TM4SF20: variants seen among roughly 807,000 people sequenced by gnomAD.
TM4SF20 encodes the protein transmembrane 4 L six family member 20, also known as transmembrane 4 L6 family member 20.
Under a neutral mutation model 15.1 loss-of-function variants are expected in TM4SF20, and 13 were observed. That is an observed-to-expected ratio of 0.86 (90% CI 0.56 to 1.36). The LOEUF (loss-of-function observed/expected upper bound fraction) is 1.36, where lower values mean the gene tolerates loss of function less well. Ranked by LOEUF, TM4SF20 falls within the 40% of genes most tolerant of loss-of-function variation. TM4SF20 has a pLI of 0.00. For missense variants in TM4SF20, 282 were observed against 268.4 expected (o/e 1.05, Z -0.35); for synonymous variants, 92 against 96.6 (o/e 0.95, Z 0.28).
At chr2:227,380,419 C>G (rs2076474439), upstream of TM4SF20, among the ~76,000 whole-genome samples, 1 of 152,184 alleles carries the variant, frequency 6.6e-6, no homozygotes, top group Admixed American at 6.5e-5. Flanking sequence ...AAGACCTAGA[C>G]TTAGACCTAG....
intron 2 of TM4SF20, among the ~76,000 whole-genome samples, chr2:227,368,539 T>C (rs777825490): frequency 2.6e-5 from 4 of 151,680 alleles, no homozygotes; most frequent in Admixed American, 6.6e-5. Context: ...TTATTTTTTG[T>C]ATTTTTAGTA....
chr2:227,379,327 C>T (rs1560008647), upstream of TM4SF20: 9 of 1,436,600 alleles, frequency 6.3e-6, no homozygotes, highest in Non-Finnish European at 8.5e-6. Flanking sequence ...TACTATGTTG[C>T]CTTTTATCCC....
In TM4SF20 at chr2:227,370,898, G is replaced by C; in HGVS notation, c.249+17C>G. On this transcript the variant is annotated intron_variant, in intron 2 of 3. Transcript: ENST00000304568. ...GTTCATGCACTTCTGCTTCCACGCC[G>C]ACTGCTTCATACTTACTCCAGTTCT... 6.2e-7 allele frequency: 1 copy of C among 1,612,206 alleles called. No individual in the cohort carries two copies. Among genetic ancestry groups the C allele is most frequent in the South Asian group, 1.1e-5 (1 of 90,978 alleles).
At position 227,363,486 on chromosome 2, in the gene TM4SF20, T is replaced by G. The variant is rs1414072176; in HGVS notation, c.*238A>C. ...TCCGTTCCTTCTCATCCTCCTTCCC[T>G]TCTCCTTTCTCTACACACAGTGAAG... is the stretch of plus-strand genomic sequence containing the variant. On this transcript the variant is annotated 3_prime_UTR_variant, in exon 4 of 4. Transcript: ENST00000304568. 3 of 371,574 alleles carry G rather than the reference T, an allele frequency of 8.1e-6. No homozygotes were observed. The highest frequency in any genetic ancestry group is 4.2e-5 in the African/African-American group (2 of 47,060). The allele number at this position is 371,574 out of a possible 1,614,324, so 23.0% of individuals were successfully genotyped here.
Position 227,363,704 on chromosome 2 carries a change from T to TAG in TM4SF20, c.*19_*20insCT. 2.5e-6 allele frequency: 4 copies of TAG among 1,590,550 alleles called. No individual in the cohort carries two copies. Among genetic ancestry groups the TAG allele is most frequent in the Non-Finnish European group, 3.4e-6 (4 of 1,168,526 alleles). On this transcript the variant is annotated 3_prime_UTR_variant, in exon 4 of 4. Transcript: ENST00000304568. The stretch of plus-strand genomic sequence containing the variant: ...CAAATTAATTCAAACTACTGATACT[T>TAG]ACATTTTATTCCCATTAAACTACAC...
At chr2:227,379,047 A>C (rs1189623706) in intron 1 of TM4SF20, 39 bp downstream of exon 1, 22 of 1,587,110 alleles carry the variant, frequency 1.4e-5, no homozygotes, top group Non-Finnish European at 1.9e-5. Flanking sequence ...TGAAATAGGC[A>C]GGCCCTTCTT....
At chr2:227,374,352 AC>A (rs1264182140) in intron 1 of TM4SF20, among the ~76,000 whole-genome samples, 2 of 152,088 alleles carry the variant, frequency 1.3e-5, no homozygotes, top group Non-Finnish European at 2.9e-5. Flanking sequence ...TGATTTGACA[AC>A]TCGCTGCGGT....
chr2:227,376,578 A>G (rs1180106742), intron 1 of TM4SF20, among the ~76,000 whole-genome samples: 1 of 152,242 alleles, frequency 6.6e-6, no homozygotes, highest in African/African-American at 2.4e-5. Context: ...TGGTGTTTAT[A>G]TCTTTGATAA....
Position 227,363,960 on chromosome 2 carries a change from C to T in TM4SF20, c.454G>A (p.Ala152Thr). ...GGTTTATTGAAACCAGTAGGAGGTG[C>T]ACAAGAGTCATTGAAAAACCACTGC... is the stretch of plus-strand genomic sequence containing the variant. Reference protein sequence around the residue: ...NLQWFFNDSCAPPTGFNKPTS... With the variant: ...NLQWFFNDSCTPPTGFNKPTS... Residue 152 changes from alanine to threonine, a missense_variant, in exon 4 of 4, where the codon GCA becomes ACA. By Grantham distance (58) the Ala-to-Thr change is moderately conservative (BLOSUM62 0). Coordinates refer to ENST00000304568, the MANE Select transcript of TM4SF20 (RefSeq NM_024795.4). 6.2e-7 allele frequency: 1 copy of T among 1,613,874 alleles called. No homozygotes were observed. The highest frequency in any genetic ancestry group is 1.6e-4 in the Middle Eastern group (1 of 6,062).
chr2:227,378,221 T>G (rs2076461330), intron 1 of TM4SF20, among the ~76,000 whole-genome samples: 1 of 152,136 alleles, frequency 6.6e-6, no homozygotes, highest in South Asian at 2.1e-4. Flanking sequence ...ATTTTACACA[T>G]ATGGAAACAA....
chr2:227,365,255 AG>A (rs1180635722), intron 3 of TM4SF20, among the ~76,000 whole-genome samples: 1 of 152,244 alleles, frequency 6.6e-6, no homozygotes, highest in Non-Finnish European at 1.5e-5. Context: ...ACAAAATTTG[AG>A]GGACTTTCTT....
chr2:227,378,924 A>G (rs1391249010), intron 1 of TM4SF20, among the ~76,000 whole-genome samples, 162 bp downstream of exon 1: 1 of 152,192 alleles, frequency 6.6e-6, no homozygotes. Context: ...TATTTAAATT[A>G]CCATTCTTCA....
Position 227,379,138 on chromosome 2 carries a change from G to A in TM4SF20, c.131C>T (p.Pro44Leu). 1 of 1,614,146 alleles carries A rather than the reference G, an allele frequency of 6.2e-7. No homozygotes were observed. Among genetic ancestry groups the A allele is most frequent in the South Asian group, 1.1e-5 (1 of 91,080 alleles). ...LVEEDQFSQN[P>L]ISCFEWWFPG... ...GAACCACCACTCAAAGCAAGAGATG[G>A]GGTTTTGAGAAAATTGGTCTTCCTC... Residue 44 changes from proline to leucine, a missense_variant, in exon 1 of 4, where the codon CCC (proline) becomes CTC (leucine). Coordinates refer to ENST00000304568, the MANE Select transcript of TM4SF20 (RefSeq NM_024795.4).
chr2:227,366,555 C>A (rs2076393945), intron 2 of TM4SF20, among the ~76,000 whole-genome samples: 1 of 151,392 alleles, frequency 6.6e-6, no homozygotes, highest in African/African-American at 2.4e-5. Flanking sequence ...TGGCAAAACC[C>A]CCTCTCTACT....
At position 227,362,494 on chromosome 2, in the gene TM4SF20, T is replaced by A. The variant is rs2076366714; in HGVS notation, c.*1230A>T. The A allele has an allele frequency of 1.3e-5, 2 of 152,176 alleles. No individual in the cohort carries two copies. The highest frequency in any genetic ancestry group is 4.8e-5 in the African/African-American group (2 of 41,436). The allele number at this position is 152,176 out of a possible 1,614,324, so 9.4% of individuals were successfully genotyped here. ...TAATCCAAAAATTCAAAATCCAGAA[T>A]GCTCCGAGATCCAAAACTTTTTGAG... On this transcript the variant is annotated 3_prime_UTR_variant, in exon 4 of 4. Coordinates refer to ENST00000304568, the MANE Select transcript of TM4SF20 (RefSeq NM_024795.4).
chr2:227,375,931 T>C (rs1280017282), intron 1 of TM4SF20, among the ~76,000 whole-genome samples: 17 of 152,216 alleles, frequency 1.1e-4, no homozygotes, highest in Non-Finnish European at 2.1e-4. Context: ...TTTCTGTTTA[T>C]ATGTTTTCAA....
chr2:227,372,962 C>T (rs80329239), intron 1 of TM4SF20, among the ~76,000 whole-genome samples: 3,974 of 152,154 alleles, frequency 0.026, 181 homozygotes, highest in African/African-American at 0.09. Flanking sequence ...CTCAAGTGAT[C>T]GCCTCGGCCT....
intron 2 of TM4SF20, among the ~76,000 whole-genome samples, chr2:227,369,203 A>G (rs2076408355): frequency 6.6e-6 from 1 of 152,236 alleles, no homozygotes; most frequent in Non-Finnish European, 1.5e-5. Context: ...TAATTATTGT[A>G]ATCCTAGATA....
In TM4SF20 at chr2:227,363,346, T is replaced by A. The variant is rs2076372713; in HGVS notation, c.*378A>T. 6.3e-6 allele frequency: 1 copy of A among 158,214 alleles called. No homozygotes were observed. The highest frequency in any genetic ancestry group is 1.4e-5 in the Non-Finnish European group (1 of 72,798). The allele number at this position is 158,214 out of a possible 1,614,324, so 9.8% of individuals were successfully genotyped here. Reference sequence around the variant, plus strand: ...GGGAGAATCACCTGAGCCCAGGAGGTTGAGGCTGCAGTAAGCTGAGATAGC... The same window carrying A: ...GGGAGAATCACCTGAGCCCAGGAGGATGAGGCTGCAGTAAGCTGAGATAGC... On this transcript the variant is annotated 3_prime_UTR_variant, in exon 4 of 4. Coordinates refer to ENST00000304568, the MANE Select transcript of TM4SF20 (RefSeq NM_024795.4).
Sources: gnomAD v4.1 joint callset for allele counts (sites outside exome capture counted in the v4.1 genomes callset) on GRCh38, gnomAD v4.1.1 for gene constraint, MANE v1.5 for transcripts, NCBI Gene and HGNC (gene_info 2026-07-23, HGNC 2026-07-21) for gene names.